The following STX10 variants were observed in gnomAD, a reference collection of about 807,000 sequenced individuals.
STX10 encodes the protein syntaxin 10.
A neutral mutation model predicts 34.1 loss-of-function variants in STX10; 35 were observed. That is an observed-to-expected ratio of 1.03 (90% CI 0.78 to 1.36). The LOEUF (loss-of-function observed/expected upper bound fraction) is 1.36. Among genes scored for constraint, STX10 ranks in the 40% most tolerant of loss-of-function variants. The probability of loss-of-function intolerance (pLI) is 0.00; values close to 1 mark genes in which losing one functional copy is unlikely to be tolerated. For synonymous variants in STX10, 155 were observed against 132.9 expected (o/e 1.17, Z -1.15); for missense variants, 361 against 335.5 (o/e 1.08, Z -0.59).
chr19:13,148,877 C>G, intron 4 of STX10, 152 bp downstream of exon 4: 1 of 623,948 alleles, frequency 1.6e-6, no homozygotes, highest in Non-Finnish European at 2.9e-6. Context: ...GGTGCACACA[C>G]CGAGAAAGTG....
rs371586901 is a variant in STX10 at position 13,144,407 on chromosome 19, G to A, written c.*3C>T. ...GGGACCAGCCTGCCAGGGAGGGCTG[G>A]GGTCAGAGAGAGAATAGTAAGATGA... On this transcript the variant is annotated 3_prime_UTR_variant, in exon 8 of 8. Transcript: ENST00000587230. 2 of 1,607,918 alleles carry A rather than the reference G, an allele frequency of 1.2e-6. No homozygotes were observed. Among genetic ancestry groups the A allele is most frequent in the Non-Finnish European group, 1.7e-6 (2 of 1,177,924 alleles).
Position 13,144,257 on chromosome 19 carries a change from C to A in STX10, c.*153G>T. 1 of 1,075,890 alleles carries A rather than the reference C, an allele frequency of 9.3e-7. No individual in the cohort carries two copies. Among genetic ancestry groups the A allele is most frequent in the Admixed American group, 2.7e-5 (1 of 37,330 alleles). The allele number at this position is 1,075,890 out of a possible 1,614,324, so 66.6% of individuals were successfully genotyped here. A position where few individuals can be genotyped will look rare whatever the true frequency, so the allele number is the denominator to read the frequency against. On this transcript the variant is annotated 3_prime_UTR_variant, in exon 8 of 8. Transcript: ENST00000587230. ...AGGGTCCTGAAGGGTCCCACTGGCT[C>A]TAGGGGAGAGCCATGGGGACAGCTC...
chr19:13,147,079 A>AACGC (rs370007999), intron 4 of STX10, among the ~76,000 whole-genome samples: 5 of 145,142 alleles, frequency 3.4e-5, no homozygotes, highest in South Asian at 4.5e-4. Context: ...GAAACACAGA[A>AACGC]ACACACACAC....
rs1019041437 is a variant in STX10 at position 13,145,174 on chromosome 19, G to C, written c.471+114C>G. 5.9e-6 allele frequency: 6 copies of C among 1,014,384 alleles called. No homozygotes were observed. In the Admixed American group the frequency reaches 1.4e-4, roughly 23 times the overall value. The allele number at this position is 1,014,384 out of a possible 1,614,324, so 62.8% of individuals were successfully genotyped here. A position where few individuals can be genotyped will look rare whatever the true frequency, so the allele number is the denominator to read the frequency against. On this transcript the variant is annotated intron_variant, in intron 5 of 7. Coordinates refer to ENST00000587230, the MANE Select transcript of STX10 (RefSeq NM_003765.3). ...AGATCGCGCCACTGCACTCCAGCCT[G>C]GGCGACAAAGCGAAACTCCATATCA...
Position 13,144,821 on chromosome 19 carries a change from A to T in STX10, c.521T>A (p.Ile174Asn). 1 of 1,614,046 alleles carries T rather than the reference A, an allele frequency of 6.2e-7. No individual in the cohort carries two copies. Among genetic ancestry groups the T allele is most frequent in the Non-Finnish European group, 8.5e-7 (1 of 1,179,996 alleles). The stretch of plus-strand genomic sequence containing the variant: ...GCCGGACATGTGCTTCAGAACCTGG[A>T]TGCTCCCAGACACCATCTCCAGCTG... ...DQQLEMVSGS[I>N]QVLKHMSGRV... is the part of the protein sequence containing the mutation. Residue 174 changes from isoleucine to asparagine, a missense_variant, in exon 6 of 8, where the codon ATC (isoleucine) becomes AAC (asparagine). Transcript: ENST00000587230.
At chr19:13,149,437 AG>A (rs1200376650) in intron 3 of STX10, 61 bp downstream of exon 3, 84 of 1,314,750 alleles carry the variant, frequency 6.4e-5, no homozygotes, top group Admixed American at 2.5e-4. Flanking sequence ...AAAGAAAGAA[AG>A]AAAGAAAAAA....
At chr19:13,144,927 T>G in intron 5 of STX10, 57 bp from the exon 6 acceptor site, 1 of 1,489,854 alleles carries the variant, frequency 6.7e-7, no homozygotes, top group Non-Finnish European at 9.1e-7. Flanking sequence ...GGCCAGGCGC[T>G]ATGGCTTATG....
In STX10 at chr19:13,149,498, C is replaced by G. The variant is rs2019998700; in HGVS notation, c.300+1G>C. On this transcript the variant is annotated splice_donor_variant, in intron 3 of 7. Coordinates refer to ENST00000587230, the MANE Select transcript of STX10 (RefSeq NM_003765.3). LOFTEE classifies it high-confidence loss of function. Reference sequence around the variant, plus strand: ...TCCCCGCCTGCAGGACCTTTCCTGACCTGGACTGCCTCTCGCATCCGCTCC... The same window carrying G: ...TCCCCGCCTGCAGGACCTTTCCTGAGCTGGACTGCCTCTCGCATCCGCTCC... 1 of 1,613,810 alleles carries G rather than the reference C, an allele frequency of 6.2e-7. No individual in the cohort carries two copies. Among genetic ancestry groups the G allele is most frequent in the Non-Finnish European group, 8.5e-7 (1 of 1,179,876 alleles).
chr19:13,146,721 TG>T (rs1207332031), intron 4 of STX10, among the ~76,000 whole-genome samples: 1 of 146,150 alleles, frequency 6.8e-6, no homozygotes, highest in Non-Finnish European at 1.5e-5. Context: ...TTGTATTTTT[TG>T]TAGAGACAGG....
Position 13,144,559 on chromosome 19 carries a change from TC to T in STX10, c.673+17del. ...ACCTGCCCCCACCAGGACTGACCCC[TC>T]CCCTGAGGGGACTCACCACTCGTCA... On this transcript the variant is annotated intron_variant, in intron 7 of 7. Coordinates refer to ENST00000587230, the MANE Select transcript of STX10 (RefSeq NM_003765.3). The T allele has an allele frequency of 6.2e-7, 1 of 1,613,972 alleles. No homozygotes were observed. Among genetic ancestry groups the T allele is most frequent in the Non-Finnish European group, 8.5e-7 (1 of 1,179,974 alleles).
chr19:13,144,099 G>A lies in STX10; in HGVS notation c.*311C>T, dbSNP rs372663454. The A allele has an allele frequency of 4.8e-5, 20 of 419,590 alleles. No individual in the cohort carries two copies. Among genetic ancestry groups the A allele is most frequent in the African/African-American group, 5.9e-5 (3 of 51,262 alleles). The allele number at this position is 419,590 out of a possible 1,614,324, so 26.0% of individuals were successfully genotyped here. On this transcript the variant is annotated 3_prime_UTR_variant, in exon 8 of 8. Coordinates refer to ENST00000587230, the MANE Select transcript of STX10 (RefSeq NM_003765.3). Reference sequence around the variant, plus strand: ...TGACATTTTATTTCCAGGTTGGCACGTGTATAAGGCACAGGGGCAAATGGC... The same window carrying A: ...TGACATTTTATTTCCAGGTTGGCACATGTATAAGGCACAGGGGCAAATGGC...
chr19:13,147,893 CAAA>C (rs1159793123), intron 4 of STX10, among the ~76,000 whole-genome samples: 2 of 54,620 alleles, frequency 3.7e-5, no homozygotes, highest in African/African-American at 1.6e-4. Context: ...CACTCCGTCT[CAAA>C]AAAAAAAAAA....
rs780064185 is a variant in STX10, at chr19:13,145,302, G to A, written c.457C>T (p.Gln153Ter). 9.9e-6 allele frequency: 16 copies of A among 1,611,012 alleles called. No homozygotes were observed. Among genetic ancestry groups the A allele is most frequent in the Non-Finnish European group, 1.4e-5 (16 of 1,179,976 alleles). Residue 153 changes from glutamine (Q) to a stop codon, truncating the protein, a stop_gained, in exon 5 of 8, where the codon CAG (glutamine) becomes TAG (stop). Coordinates refer to ENST00000587230, the MANE Select transcript of STX10 (RefSeq NM_003765.3). LOFTEE classifies it high-confidence loss of function. ...GGCCCCAAAACCTGCTGTGTGGCCT[G>A]CTGCTCCTCGATGTAGCGAGATGTG... ...SATSRYIEEQ[Q>*]ATQQLIMDEQ...
chr19:13,150,118 TC>T lies in STX10; in HGVS notation c.35+20del. 3.5e-6 allele frequency: 4 copies of T among 1,128,952 alleles called. No homozygotes were observed. The highest frequency in any genetic ancestry group is 5.3e-6 in the Non-Finnish European group (4 of 754,698). 69.9% of individuals were successfully genotyped at this position (1,128,952 alleles called of 1,614,324 possible). ...CTTGGGTACAGAGCACCCTCCGCCCTCCCCCGTCGTTGTCACTCACCCTCGG... is the reference window on the plus strand; with the variant it reads ...CTTGGGTACAGAGCACCCTCCGCCCTCCCCGTCGTTGTCACTCACCCTCGG... On this transcript the variant is annotated intron_variant, in intron 1 of 7. Transcript: ENST00000587230. The surrounding 1 kb of genome is among the most constrained non-coding windows in gnomAD (Gnocchi z 4.0).
chr19:13,146,659 G>T (rs2019905582), intron 4 of STX10, among the ~76,000 whole-genome samples: 1 of 152,004 alleles, frequency 6.6e-6, no homozygotes, highest in Admixed American at 6.6e-5. Flanking sequence ...TCCTGCCTCA[G>T]CTTCCCAAGT....
Position 13,149,894 on chromosome 19 carries a change from C to G in STX10, c.39G>C (p.Glu13Asp), listed in dbSNP as rs759230143. ...GGGCCGTGTTCACCGCCTTCTGCAC[C>G]TCGCTGCGGGCAGGGGCACGGCGGG... is the stretch of plus-strand genomic sequence containing the variant. ...LEDPFFVVRGEVQKAVNTARG... is the reference protein window; with the variant it reads ...LEDPFFVVRGDVQKAVNTARG... The change falls in exon 2 of 8, where the codon GAG becomes GAC. Residue 13 changes from glutamate (E) to aspartate (D), a missense_variant. By Grantham distance (45) the Glu-to-Asp change is conservative (BLOSUM62 2). Transcript: ENST00000587230. 6.3e-7 allele frequency: 1 copy of G among 1,588,378 alleles called. No individual in the cohort carries two copies. The highest frequency in any genetic ancestry group is 1.1e-5 in the South Asian group (1 of 89,022).
At position 13,144,254 on chromosome 19, in the gene STX10, G is replaced by T; in HGVS notation, c.*156C>A. ...CCCAGGGTCCTGAAGGGTCCCACTGGCTCTAGGGGAGAGCCATGGGGACAG... is the reference window on the plus strand; with the variant it reads ...CCCAGGGTCCTGAAGGGTCCCACTGTCTCTAGGGGAGAGCCATGGGGACAG... On this transcript the variant is annotated 3_prime_UTR_variant, in exon 8 of 8. Coordinates refer to ENST00000587230, the MANE Select transcript of STX10 (RefSeq NM_003765.3). 9.8e-7 allele frequency: 1 copy of T among 1,023,826 alleles called. No individual in the cohort carries two copies. Among genetic ancestry groups the T allele is most frequent in the Non-Finnish European group, 1.4e-6 (1 of 713,136 alleles). The allele number at this position is 1,023,826 out of a possible 1,614,324, so 63.4% of individuals were successfully genotyped here. A position where few individuals can be genotyped will look rare whatever the true frequency, so the allele number is the denominator to read the frequency against.
Position 13,149,822 on chromosome 19 carries a change from C to G in STX10, c.111G>C (p.Ala37=). 1 of 1,613,774 alleles carries G rather than the reference C, an allele frequency of 6.2e-7. No individual in the cohort carries two copies. Among genetic ancestry groups the G allele is most frequent in the South Asian group, 1.1e-5 (1 of 91,084 alleles). ...TCCAGTCCAGCTCCTCGCGTCCGACCGCCGCGCTTTCCTGCAGGAGCTCGC... is the reference window on the plus strand; with the variant it reads ...TCCAGTCCAGCTCCTCGCGTCCGACGGCCGCGCTTTCCTGCAGGAGCTCGC... ...RWCELLQESA[A]VGREELDWTT... The change falls in exon 2 of 8, where the codon GCG becomes GCC. Residue 37 remains alanine, a synonymous_variant. Transcript: ENST00000587230.
rs1568390298 is a variant in STX10 at position 13,144,629 on chromosome 19, G to A, written c.621C>T (p.Ser207=). ...AFAQEMDHTQ[S]RMDGVLRKLA... ...ACTTCCTGAGGACCCCGTCCATGCG[G>A]GACTGGGTGTGGTCCATCTCTTGGG... Residue 207 remains serine, a synonymous_variant, in exon 7 of 8, where the codon TCC becomes TCT. Coordinates refer to ENST00000587230, the MANE Select transcript of STX10 (RefSeq NM_003765.3). 6 of 1,614,146 alleles carry A rather than the reference G, an allele frequency of 3.7e-6. No individual in the cohort carries two copies. Among genetic ancestry groups the A allele is most frequent in the Non-Finnish European group, 5.1e-6 (6 of 1,180,014 alleles).
Sources: allele counts gnomAD v4.1 joint callset (sites outside exome capture counted in the v4.1 genomes callset), GRCh38; gene constraint gnomAD v4.1.1; non-coding constraint Gnocchi (gnomAD v3.1); transcripts MANE v1.5; gene names NCBI Gene and HGNC (gene_info 2026-07-23, HGNC 2026-07-21).